The following DNAH6 variants were observed in gnomAD, a reference collection of about 807,000 sequenced individuals.
DNAH6 encodes dynein axonemal heavy chain 6.
In DNAH6, 340 loss-of-function variants were observed where a neutral mutation model predicts 491.4. The ratio of observed to expected loss-of-function variants is 0.69; its 90% CI spans 0.63 to 0.76. The LOEUF is 0.76. Among genes scored for constraint, DNAH6 ranks in the 30% least tolerant of loss-of-function variants. DNAH6 has a pLI of 0.00. For missense variants in DNAH6, 4,443 were observed against 4,972.2 expected (o/e 0.89, Z 3.20); for synonymous variants, 1,603 against 1,686.1 (o/e 0.95, Z 1.21).
At chr2:84,561,464 A>G (rs368386657) in intron 11 of DNAH6, among the ~76,000 whole-genome samples, 1 of 152,292 alleles carries the variant, frequency 6.6e-6, no homozygotes, top group South Asian at 2.1e-4. Flanking sequence ...TTACCATTCA[A>G]GACATAGGCA....
intron 10 of DNAH6, 22 bp from the exon 11 acceptor site, chr2:84,557,713 T>C (rs760524079): frequency 7.6e-7 from 1 of 1,314,858 alleles, no homozygotes; most frequent in East Asian, 2.5e-5. Context: ...CACATTTATG[T>C]TTATGCTTTT....
intron 68 of DNAH6, among the ~76,000 whole-genome samples, chr2:84,791,617 C>T (rs928976146): frequency 6.6e-6 from 1 of 150,902 alleles, no homozygotes; most frequent in Non-Finnish European, 1.5e-5. Flanking sequence ...GGTTGGACAA[C>T]TCTGTAAATT....
At position 84,558,512 on chromosome 2, in the gene DNAH6, G is replaced by A. The variant is rs563017234; in HGVS notation, c.1803+577G>A. ...CGATCCACATGCATGTGTTTTTGGG[G>A]AAGTAATCCTGGCTGTTGAGGATGC... is the stretch of plus-strand genomic sequence containing the variant. On this transcript the variant is annotated intron_variant, in intron 11 of 76. Coordinates refer to ENST00000389394, the MANE Select transcript of DNAH6 (RefSeq NM_001370.2). 2.6e-5 allele frequency among the ~76,000 whole-genome samples: 4 copies of A among 152,248 alleles called. No homozygotes were observed. The South Asian group carries it at 8.3e-4, about 32-fold the overall frequency.
At position 84,619,716 on chromosome 2, in the gene DNAH6, G is replaced by A; in HGVS notation, c.3604G>A (p.Glu1202Lys). The A allele has an allele frequency of 6.4e-7, 1 of 1,551,478 alleles. No individual in the cohort carries two copies. The highest frequency in any genetic ancestry group is 8.7e-7 in the Non-Finnish European group (1 of 1,146,804). ...FYFLSNDELL[E>K]ILAQTRNPQA... is the part of the protein sequence containing the mutation. ...CTTCTTGTCAAATGATGAACTTCTG[G>A]AGATTTTGGCCCAGACACGAAATCC... The change falls in exon 24 of 77, where the codon GAG becomes AAG. Residue 1202 changes from glutamate (E) to lysine (K), a missense_variant. Transcript: ENST00000389394.
At chr2:84,774,851 T>C (rs1675975732) in intron 64 of DNAH6, among the ~76,000 whole-genome samples, 1 of 152,214 alleles carries the variant, frequency 6.6e-6, no homozygotes, top group Non-Finnish European at 1.5e-5. Flanking sequence ...ATGTTATCGT[T>C]GTATAGAAAT....
chr2:84,515,740 A>T (rs570365318), upstream of DNAH6, among the ~76,000 whole-genome samples: 1 of 152,354 alleles, frequency 6.6e-6, no homozygotes, highest in East Asian at 1.9e-4. Context: ...GGGATAAGGC[A>T]TCCCGAGTAA....
Position 84,709,334 on chromosome 2 carries a change from CT to C in DNAH6, c.9049-7del. 1 of 1,551,520 alleles carries C rather than the reference CT, an allele frequency of 6.4e-7. No homozygotes were observed. The highest frequency in any genetic ancestry group is 1.2e-5 in the South Asian group (1 of 84,050). On this transcript the variant is annotated splice_polypyrimidine_tract_variant and splice_region_variant and intron_variant, in intron 54 of 76. Transcript: ENST00000389394. ...GACTCTACTCAAGTAAGCTTTCCCC[CT>C]TCTACAGCTTATAGAGTGTTGGATC... is the stretch of plus-strand genomic sequence containing the variant.
In DNAH6 at chr2:84,694,049, G is replaced by C. The variant is rs115384223; in HGVS notation, c.7293-200G>C. Among the ~76,000 whole-genome samples the C allele has an allele frequency of 0.014, 2,181 of 152,342 alleles. 36 individuals are homozygous for C. Among genetic ancestry groups the C allele is most frequent in the Non-Finnish European group, 0.017 (1,137 of 68,032 alleles). On this transcript the variant is annotated intron_variant, in intron 45 of 76. Coordinates refer to ENST00000389394, the MANE Select transcript of DNAH6 (RefSeq NM_001370.2). ...CGAGACCCAACAGCCTGTTAGGAATGGGGGAAAGAATGAAAAAGAGAAAAG... is the reference window on the plus strand; with the variant it reads ...CGAGACCCAACAGCCTGTTAGGAATCGGGGAAAGAATGAAAAAGAGAAAAG...
At chr2:84,606,406 T>G (rs1364584315) in intron 20 of DNAH6, among the ~76,000 whole-genome samples, 1 of 152,140 alleles carries the variant, frequency 6.6e-6, no homozygotes, top group Non-Finnish European at 1.5e-5. Context: ...CCATTAAATC[T>G]TTCAGATTAA....
At chr2:84,565,586 T>A (rs1681113207) in intron 11 of DNAH6, among the ~76,000 whole-genome samples, 1 of 152,002 alleles carries the variant, frequency 6.6e-6, no homozygotes, top group Non-Finnish European at 1.5e-5. Flanking sequence ...TTTCTTTTTA[T>A]TTGTTAATCT....
chr2:84,494,426 G>A, the DNAH6 span, among the ~76,000 whole-genome samples: 2 of 152,150 alleles, frequency 1.3e-5, no homozygotes, highest in East Asian at 3.8e-4. Flanking sequence ...TACTCATTAT[G>A]TCACATCACA....
chr2:84,573,319 T>C (rs1223605357), intron 11 of DNAH6, 148 bp from the exon 12 acceptor site: 2 of 572,394 alleles, frequency 3.5e-6, no homozygotes, highest in Non-Finnish European at 2.9e-6. Flanking sequence ...ATCAAGAATA[T>C]ATCTTTCTTC....
the DNAH6 span, among the ~76,000 whole-genome samples, chr2:84,492,044 G>A: frequency 6.6e-6 from 1 of 152,172 alleles, no homozygotes; most frequent in South Asian, 2.1e-4. Context: ...TTAAGGCTTG[G>A]GTAACCAGCT....
At chr2:84,466,913 A>C in the DNAH6 span, among the ~76,000 whole-genome samples, 3 of 152,244 alleles carry the variant, frequency 2.0e-5, no homozygotes, top group Non-Finnish European at 4.4e-5. Flanking sequence ...GATAATGTAC[A>C]CTAAGTCATA....
chr2:84,460,532 TAA>T, the DNAH6 span, among the ~76,000 whole-genome samples: 3 of 152,248 alleles, frequency 2.0e-5, no homozygotes, highest in Non-Finnish European at 4.4e-5. Flanking sequence ...ACAAAAAATA[TAA>T]TTTCAGTACA....
intron 71 of DNAH6, among the ~76,000 whole-genome samples, chr2:84,807,293 AT>A (rs1679508947): frequency 6.6e-6 from 1 of 152,200 alleles, no homozygotes; most frequent in Non-Finnish European, 1.5e-5. Context: ...TCAAGAAGGA[AT>A]TTGATACATG....
At chr2:84,802,246 C>G (rs1455329888) in intron 70 of DNAH6, among the ~76,000 whole-genome samples, 1 of 152,184 alleles carries the variant, frequency 6.6e-6, no homozygotes, top group Admixed American at 6.5e-5. Flanking sequence ...AAACATTCCA[C>G]TTAAAAGATA....
In DNAH6 at chr2:84,659,097, C is replaced by T; in HGVS notation, c.6012C>T (p.Asn2004=). The T allele has an allele frequency of 6.6e-7, 1 of 1,514,212 alleles. No individual in the cohort carries two copies. Among genetic ancestry groups the T allele is most frequent in the East Asian group, 2.5e-5 (1 of 40,134 alleles). 93.8% of individuals were successfully genotyped at this position (1,514,212 alleles called of 1,614,324 possible). Residue 2004 remains asparagine (N), a synonymous_variant, in exon 37 of 77, where the codon AAC becomes AAT. Transcript: ENST00000389394. The stretch of plus-strand genomic sequence containing the variant: ...GTTATTTGTGGTCTTTGGGTGGAAA[C>T]CTAACTGAAAACTACTATGATTCTT... The part of the protein sequence containing the change: ...VFCYLWSLGG[N]LTENYYDSFD...
chr2:84,512,731 T>G (rs866968360), upstream of DNAH6, among the ~76,000 whole-genome samples: 91 of 152,268 alleles, frequency 6.0e-4, no homozygotes, highest in African/African-American at 2.1e-3. Context: ...ATGGATTGAC[T>G]CTTTTCATAA....
Sources: gnomAD v4.1 joint callset for allele counts (sites outside exome capture counted in the v4.1 genomes callset) on GRCh38, gnomAD v4.1.1 for gene constraint, MANE v1.5 for transcripts, NCBI Gene and HGNC (gene_info 2026-07-23, HGNC 2026-07-21) for gene names.